Variants in ENOX1 observed in about 807,000 individuals in gnomAD.
ENOX1 encodes the protein ecto-NOX disulfide-thiol exchanger 1.
In ENOX1, 42 loss-of-function variants were observed where a neutral mutation model predicts 82.5. That is an observed-to-expected ratio of 0.51 (90% confidence interval 0.40 to 0.66). The LOEUF (loss-of-function observed/expected upper bound fraction) is 0.66, where lower values mean the gene tolerates loss of function less well. ENOX1 is among the 30% of genes least tolerant of loss of function. ENOX1 has a pLI of 0.00. For synonymous variants in ENOX1, 271 were observed against 282.2 expected, an observed-to-expected ratio of 0.96 and a Z score of 0.40; for missense variants, 608 against 811.6, an observed-to-expected ratio of 0.75 and a Z score of 3.05.
intron 2 of ENOX1, among the ~76,000 whole-genome samples, chr13:43,646,116 C>A (rs912912269): frequency 6.6e-6 from 1 of 152,192 alleles, no homozygotes; most frequent in South Asian, 2.1e-4. Context: ...ACCACCTGGC[C>A]CCCTCTGCAT....
At chr13:43,719,644 C>T (rs955808176) in intron 1 of ENOX1, among the ~76,000 whole-genome samples, 1 of 152,166 alleles carries the variant, frequency 6.6e-6, no homozygotes, top group African/African-American at 2.4e-5. Context: ...AAGGAACTAA[C>T]CACCAGAGAA....
intron 9 of ENOX1, among the ~76,000 whole-genome samples, chr13:43,342,556 C>T (rs1176868239): frequency 6.6e-6 from 1 of 152,118 alleles, no homozygotes; most frequent in African/African-American, 2.4e-5. Context: ...TCCTGCCCCA[C>T]CCCTTCATTC....
chr13:43,732,843 T>C (rs908880541), intron 1 of ENOX1, among the ~76,000 whole-genome samples: 6 of 152,228 alleles, frequency 3.9e-5, no homozygotes, highest in African/African-American at 9.6e-5. Context: ...GCCCCAGTAA[T>C]GCAAGACAAA....
chr13:43,773,061 G>C (rs1032747100), intron 1 of ENOX1, among the ~76,000 whole-genome samples: 1 of 152,078 alleles, frequency 6.6e-6, no homozygotes, highest in Non-Finnish European at 1.5e-5. Context: ...CACTATTCTT[G>C]TCCCTTGTCC....
At chr13:43,357,921 A>G (rs1365815660) in intron 7 of ENOX1, among the ~76,000 whole-genome samples, 1 of 152,112 alleles carries the variant, frequency 6.6e-6, no homozygotes, top group Non-Finnish European at 1.5e-5. Context: ...GGCCTTGCAG[A>G]TCTTCCTGGG....
At chr13:43,462,196 A>G (rs895594248) in intron 3 of ENOX1, among the ~76,000 whole-genome samples, 1 of 152,356 alleles carries the variant, frequency 6.6e-6, no homozygotes, top group Non-Finnish European at 1.5e-5. Context: ...GTTACTTTAT[A>G]TGTGATGTTA....
At chr13:43,691,297 C>T (rs897141341) in intron 1 of ENOX1, among the ~76,000 whole-genome samples, 2 of 151,958 alleles carry the variant, frequency 1.3e-5, no homozygotes, top group African/African-American at 2.4e-5. Flanking sequence ...TATCTTAGTC[C>T]GGGTGCCCAT....
intron 1 of ENOX1, among the ~76,000 whole-genome samples, chr13:43,670,095 A>G (rs984628549): frequency 1.3e-5 from 2 of 152,202 alleles, no homozygotes; most frequent in Non-Finnish European, 2.9e-5. Flanking sequence ...GATAAATGAC[A>G]AGGCAGGAAT....
At chr13:43,425,947 A>T (rs1457501990) in intron 3 of ENOX1, among the ~76,000 whole-genome samples, 1 of 152,232 alleles carries the variant, frequency 6.6e-6, no homozygotes, top group Non-Finnish European at 1.5e-5. Flanking sequence ...AAGCAAAATG[A>T]TTTAAAAAAT....
intron 14 of ENOX1, among the ~76,000 whole-genome samples, chr13:43,261,823 A>C (rs1199314972): frequency 8.2e-6 from 1 of 121,774 alleles, no homozygotes; most frequent in Non-Finnish European, 1.6e-5. Flanking sequence ...GGAATATCAC[A>C]CTCTGGGGAC....
chr13:43,245,057 T>A (rs145866807), intron 14 of ENOX1, among the ~76,000 whole-genome samples: 167 of 152,292 alleles, frequency 1.1e-3, no homozygotes, highest in Admixed American at 4.2e-3. Context: ...GAACTGTGGT[T>A]GGGGGAGGAT....
At chr13:43,711,865 G>A in intron 1 of ENOX1, among the ~76,000 whole-genome samples, 1 of 147,942 alleles carries the variant, frequency 6.8e-6, no homozygotes. Context: ...TTCCCATTTT[G>A]TAGGTTGCCT....
At chr13:43,770,800 G>C (rs1330290087) in intron 1 of ENOX1, among the ~76,000 whole-genome samples, 1 of 151,168 alleles carries the variant, frequency 6.6e-6, no homozygotes, top group Non-Finnish European at 1.5e-5. Flanking sequence ...CTTTCTTTTT[G>C]TATTCTTCTA....
chr13:43,343,171 T>C (rs549903208), intron 9 of ENOX1, among the ~76,000 whole-genome samples: 1 of 152,370 alleles, frequency 6.6e-6, no homozygotes, highest in Non-Finnish European at 1.5e-5. Flanking sequence ...AGAATTGTTT[T>C]ACTATGCTCT....
In ENOX1 at chr13:43,636,413, G is replaced by C. The variant is rs146772450; in HGVS notation, c.-219+31066C>G. Among the ~76,000 whole-genome samples the C allele has an allele frequency of 1.2e-3, 184 of 152,240 alleles. 1 individual carries two copies. The highest frequency in any genetic ancestry group is 4.3e-3 in the African/African-American group (179 of 41,554). Reference sequence around the variant, plus strand: ...TTATCTAGTGTCTGCCCAGGTTCCAGTGTAACTTGCTGTTTGTCTTTGAGC... The same window carrying C: ...TTATCTAGTGTCTGCCCAGGTTCCACTGTAACTTGCTGTTTGTCTTTGAGC... On this transcript the variant is annotated intron_variant, in intron 2 of 16. Transcript: ENST00000690772.
chr13:43,252,839 A>G (rs2043533873), intron 14 of ENOX1, among the ~76,000 whole-genome samples: 1 of 152,102 alleles, frequency 6.6e-6, no homozygotes, highest in African/African-American at 2.4e-5. Context: ...GTGGCCATGA[A>G]CTCACAACTG....
chr13:43,477,039 G>A (rs2058312171), intron 3 of ENOX1, among the ~76,000 whole-genome samples: 1 of 104,420 alleles, frequency 9.6e-6, no homozygotes, highest in African/African-American at 3.7e-5. Flanking sequence ...TTAAGAGAGA[G>A]ATTCTAAAAA....
At chr13:43,510,598 G>T (rs1246197004) in intron 2 of ENOX1, among the ~76,000 whole-genome samples, 1 of 152,012 alleles carries the variant, frequency 6.6e-6, no homozygotes, top group Admixed American at 6.6e-5. Flanking sequence ...GCCATTGCCC[G>T]CATTTTGATT....
At chr13:43,470,368 A>G (rs1426960474) in intron 3 of ENOX1, among the ~76,000 whole-genome samples, 1,123 of 35,786 alleles carry the variant, frequency 0.031, 357 homozygotes, top group Non-Finnish European at 0.061. Flanking sequence ...ATATATACGT[A>G]TATATATACA....
Sources: allele counts gnomAD v4.1 joint callset (sites outside exome capture counted in the v4.1 genomes callset), GRCh38; gene constraint gnomAD v4.1.1; transcripts MANE v1.5; gene names NCBI Gene and HGNC (gene_info 2026-07-23, HGNC 2026-07-21).